Variants in MCM3 observed in about 807,000 individuals in gnomAD.
MCM3 encodes the protein minichromosome maintenance complex component 3.
A neutral mutation model predicts 91.3 loss-of-function variants in MCM3; 59 were observed. The ratio of observed to expected loss-of-function variants is 0.65; its 90% CI spans 0.52 to 0.80. The LOEUF (loss-of-function observed/expected upper bound fraction) is 0.80, where lower values mean the gene tolerates loss of function less well. Among genes scored for constraint, MCM3 ranks in the 30% least tolerant of loss-of-function variants. The pLI, the probability that MCM3 is intolerant of heterozygous loss-of-function variation, is 0.00. For missense variants in MCM3, 919 were observed against 1,035.4 expected, an observed-to-expected ratio of 0.89 and a Z score of 1.54; for synonymous variants, 383 against 379.6, an observed-to-expected ratio of 1.01 and a Z score of -0.10.
At chr6:52,283,447 A>T (rs1766331846) in intron 1 of MCM3, 41 bp from the exon 2 acceptor site, 7 of 1,373,436 alleles carry the variant, frequency 5.1e-6, no homozygotes, top group Non-Finnish European at 7.3e-6. Context: ...CCACAAATTT[A>T]AAAACAATGT....
At chr6:52,282,525 G>T in intron 3 of MCM3, 128 bp downstream of exon 3, 1 of 795,524 alleles carries the variant, frequency 1.3e-6, no homozygotes, top group Non-Finnish European at 2.1e-6. Context: ...AGCCCTCCAA[G>T]TTTTACCACG....
intron 4 of MCM3, among the ~76,000 whole-genome samples, chr6:52,280,865 A>C (rs1395077493): frequency 6.6e-6 from 1 of 152,262 alleles, no homozygotes; most frequent in African/African-American, 2.4e-5. Context: ...TCAGCATTTC[A>C]TCTGGAGGTA....
chr6:52,278,899 A>T (rs1169032332), intron 5 of MCM3, 49 bp from the exon 6 acceptor site: 68 of 1,333,704 alleles, frequency 5.1e-5, no homozygotes, highest in Non-Finnish European at 7.3e-5. Context: ...AATTCCTAAC[A>T]TCAGTAGCTA....
chr6:52,266,012 C>T (rs1421828257), intron 16 of MCM3, 63 bp downstream of exon 16: 4 of 1,451,978 alleles, frequency 2.8e-6, no homozygotes, highest in Non-Finnish European at 3.9e-6. Flanking sequence ...TCCAAGGGAA[C>T]AAAGTCCCTT....
intron 1 of MCM3, 47 bp downstream of exon 1, chr6:52,284,550 C>G (rs751995751): frequency 5.2e-6 from 8 of 1,542,820 alleles, no homozygotes; most frequent in Non-Finnish European, 7.0e-6. Context: ...GGGCCGCGTC[C>G]GCAGGGGCTC....
Position 52,279,556 on chromosome 6 carries a change from A to G in MCM3, c.575T>C (p.Val192Ala). ...GGTGATGGTCTGGTGATCCTTGTAG[A>G]CAGAAAGGCCATATTCTGTCTCAAG... The part of the protein sequence containing the change: ...NPLETEYGLS[V>A]YKDHQTITIQ... Residue 192 changes from valine (V) to alanine (A), a missense_variant, in exon 5 of 17, where the codon GTC becomes GCC. By Grantham distance (64) the Val-to-Ala change is moderately conservative. This residue lies in a region of MCM3 where 401 missense variants were observed against 402.7 expected (regional missense o/e 1.00). Coordinates refer to ENST00000596288, the MANE Select transcript of MCM3 (RefSeq NM_002388.6). 1.2e-6 allele frequency: 2 copies of G among 1,614,094 alleles called. No individual in the cohort carries two copies. The highest frequency in any genetic ancestry group is 1.7e-6 in the Non-Finnish European group (2 of 1,180,022).
Position 52,282,113 on chromosome 6 carries a change from T to G in MCM3, c.463A>C (p.Ile155Leu), listed in dbSNP as rs760978629. 1 of 1,614,066 alleles carries G rather than the reference T, an allele frequency of 6.2e-7. No individual in the cohort carries two copies. The highest frequency in any genetic ancestry group is 1.1e-5 in the South Asian group (1 of 91,088). The change falls in exon 4 of 17, where the codon ATA becomes CTA. Residue 155 changes from isoleucine (I) to leucine (L), a missense_variant. Physicochemically the swap from Ile to Leu is conservative, Grantham distance 5 (BLOSUM62 2). Around this residue, in one of 3 missense-constraint regions of MCM3, gnomAD observed 401 missense variants for 402.7 expected, o/e 1.00. Transcript: ENST00000596288. ...GTGAGATCAGAATAACGTCGCTCTATGGTCTTCTTAGTAGCAGGACAGTAG... is the reference window on the plus strand; with the variant it reads ...GTGAGATCAGAATAACGTCGCTCTAGGGTCTTCTTAGTAGCAGGACAGTAG... ...VHYCPATKKT[I>L]ERRYSDLTTL...
At position 52,272,313 on chromosome 6, in the gene MCM3, T is replaced by C. The variant is rs779438220; in HGVS notation, c.1815A>G (p.Ser605=). The C allele has an allele frequency of 5.6e-6, 9 of 1,613,056 alleles. No individual in the cohort carries two copies. The highest frequency in any genetic ancestry group is 7.6e-6 in the Non-Finnish European group (9 of 1,179,004). The change falls in exon 12 of 17, where the codon TCA becomes TCG. Residue 605 remains serine (S), a synonymous_variant. Coordinates refer to ENST00000596288, the MANE Select transcript of MCM3 (RefSeq NM_002388.6). ...CCCAGGCACTCACCCTGGCGGTGTC[T>C]GAGCTCATGCTATCCTGGCTGCGCA... ...SRLRSQDSMS[S]DTARTSPVTA...
chr6:52,266,914 A>G (rs531495308), intron 14 of MCM3, among the ~76,000 whole-genome samples: 18 of 152,232 alleles, frequency 1.2e-4, no homozygotes, highest in South Asian at 1.0e-3. Context: ...GCTCTTTTCC[A>G]CATCACTCAC....
intron 12 of MCM3, among the ~76,000 whole-genome samples, chr6:52,269,447 G>T (rs775100034): frequency 6.6e-6 from 1 of 152,230 alleles, no homozygotes. Context: ...AGGAGCAAGT[G>T]AACAGGGAAG....
rs761752816 is a variant in MCM3 at position 52,269,064 on chromosome 6, G to A, written c.1968+22C>T. 6 of 1,604,152 alleles carry A rather than the reference G, an allele frequency of 3.7e-6. No homozygotes were observed. The South Asian group carries it at 4.4e-5, about 12-fold the overall frequency. ...TAATATATCCAGGAGATCCTCTCAT[G>A]CCCAGGCATCTGAATCCTCACCTTC... On this transcript the variant is annotated intron_variant, in intron 13 of 16. Coordinates refer to ENST00000596288, the MANE Select transcript of MCM3 (RefSeq NM_002388.6).
chr6:52,278,206 G>C (rs1266918263), intron 6 of MCM3, among the ~76,000 whole-genome samples: 1 of 151,624 alleles, frequency 6.6e-6, no homozygotes, highest in Non-Finnish European at 1.5e-5. Flanking sequence ...GCACAGAGCA[G>C]CCTGGATTCC....
At chr6:52,268,045 T>G in intron 13 of MCM3, 77 bp from the exon 14 acceptor site, 1 of 1,606,044 alleles carries the variant, frequency 6.2e-7, no homozygotes, top group Non-Finnish European at 8.5e-7. Context: ...CCCAGTCCCT[T>G]CTGCATCATA....
At chr6:52,271,960 C>T (rs560728268) in intron 12 of MCM3, among the ~76,000 whole-genome samples, 1 of 152,158 alleles carries the variant, frequency 6.6e-6, no homozygotes, top group African/African-American at 2.4e-5. Flanking sequence ...GTGCTTCCCC[C>T]GCTCCGGATC....
intron 16 of MCM3, chr6:52,265,434 T>C (rs1367549986): frequency 5.1e-6 from 1 of 197,214 alleles, no homozygotes; most frequent in Non-Finnish European, 1.1e-5. Context: ...AAATAAACAC[T>C]GCACTCCGGT....
intron 13 of MCM3, among the ~76,000 whole-genome samples, 164 bp downstream of exon 13, chr6:52,268,921 AC>A (rs1463781426): frequency 6.6e-6 from 1 of 152,236 alleles, no homozygotes; most frequent in East Asian, 1.9e-4. Context: ...GTTGAGAATC[AC>A]TGAGTGTTTC....
intron 10 of MCM3, 137 bp from the exon 11 acceptor site, chr6:52,273,493 C>A: frequency 1.1e-6 from 1 of 908,270 alleles, no homozygotes; most frequent in Non-Finnish European, 1.6e-6. Flanking sequence ...ACATGGAACC[C>A]ACAAATAAAG....
At chr6:52,284,553 AG>A in intron 1 of MCM3, 43 bp downstream of exon 1, 1 of 1,546,788 alleles carries the variant, frequency 6.5e-7, no homozygotes, top group African/African-American at 1.4e-5. Flanking sequence ...CCGCGTCCGC[AG>A]GGGCTCCGAG....
intron 15 of MCM3, 68 bp downstream of exon 15, chr6:52,266,543 A>G (rs1381388896): frequency 7.1e-7 from 1 of 1,400,158 alleles, no homozygotes; most frequent in African/African-American, 1.4e-5. Flanking sequence ...AATAAAGTGC[A>G]CAGAGCAACT....
Sources: allele counts gnomAD v4.1 joint callset (sites outside exome capture counted in the v4.1 genomes callset), GRCh38; gene constraint gnomAD v4.1.1; regional missense constraint gnomAD v4.1.1; transcripts MANE v1.5; gene names NCBI Gene and HGNC (gene_info 2026-07-23, HGNC 2026-07-21).